DCTN4: variants seen among roughly 807,000 people sequenced by gnomAD.
DCTN4 encodes dynactin subunit 4.
Under a neutral mutation model 62.7 loss-of-function variants are expected in DCTN4, and 23 were observed. The observed-to-expected ratio is 0.37, with a 90% CI of 0.26 to 0.52. The LOEUF (loss-of-function observed/expected upper bound fraction) is 0.52, where lower values mean the gene tolerates loss of function less well. Ranked by LOEUF, DCTN4 falls within the 20% of genes least tolerant of loss-of-function variation. The pLI is 0.92. For missense variants in DCTN4, 514 were observed against 580.4 expected, an observed-to-expected ratio of 0.89 and a Z score of 1.18; for synonymous variants, 199 against 202.1, an observed-to-expected ratio of 0.98 and a Z score of 0.13.
intron 12 of DCTN4, among the ~76,000 whole-genome samples, chr5:150,714,385 C>CT (rs908372762): frequency 3.8e-4 from 56 of 146,130 alleles, no homozygotes; most frequent in East Asian, 1.8e-3. Context: ...CCAAAAATGT[C>CT]TTTTTTTTTT....
At chr5:150,731,820 C>T in intron 5 of DCTN4, 2 of 1,438,926 alleles carry the variant, frequency 1.4e-6, no homozygotes, top group East Asian at 4.9e-5. Flanking sequence ...CAGACGTCTT[C>T]CTGGAACACC....
chr5:150,746,402 A>G (rs1187554471), intron 3 of DCTN4, among the ~76,000 whole-genome samples: 1 of 152,174 alleles, frequency 6.6e-6, no homozygotes, highest in Admixed American at 6.5e-5. Context: ...TATTCCAATC[A>G]ATAGAAAAAG....
chr5:150,756,586 G>T, intron 1 of DCTN4, 99 bp from the exon 2 acceptor site: 1 of 586,626 alleles, frequency 1.7e-6, no homozygotes, highest in Non-Finnish European at 2.8e-6. Context: ...ATGTTATACT[G>T]TAGCAGAAAG....
chr5:150,747,840 G>C (rs1453164577), intron 3 of DCTN4, among the ~76,000 whole-genome samples: 2 of 147,842 alleles, frequency 1.4e-5, no homozygotes, highest in East Asian at 2.0e-4. Flanking sequence ...AAAAACCCTA[G>C]AAGAAAACCT....
chr5:150,728,599 TTATATCTTCTTTGTAAA>T (rs1432756414), intron 8 of DCTN4, among the ~76,000 whole-genome samples: 2 of 152,228 alleles, frequency 1.3e-5, no homozygotes, highest in Non-Finnish European at 1.5e-5. Context: ...CTTTAGACGG[TTATATCTTCTTTGTAAA>T]TTGAATCTTT....
chr5:150,745,438 G>C (rs1325430379), intron 3 of DCTN4, among the ~76,000 whole-genome samples: 2 of 152,030 alleles, frequency 1.3e-5, no homozygotes, highest in African/African-American at 2.4e-5. Flanking sequence ...GCACCAACCA[G>C]ACCTTATAGA....
Position 150,723,465 on chromosome 5 carries a change from T to A in DCTN4, c.835-485A>T, listed in dbSNP as rs115442634. ...AAATTCCAGATCCTATGCTTTAAAG[T>A]ACAGTAACAATGATTACTTTTGAGA... On this transcript the variant is annotated intron_variant, in intron 8 of 12. Coordinates refer to ENST00000447998, the MANE Select transcript of DCTN4 (RefSeq NM_016221.4). 6.9e-3 allele frequency among the ~76,000 whole-genome samples: 1,057 copies of A among 152,284 alleles called. 11 individuals are homozygous for A. Among genetic ancestry groups the A allele is most frequent in the African/African-American group, 0.024 (1,005 of 41,560 alleles).
chr5:150,734,391 A>C (rs1760497768), intron 4 of DCTN4: 1 of 152,238 alleles, frequency 6.6e-6, no homozygotes, highest in East Asian at 1.9e-4. Flanking sequence ...AGAAAAATTT[A>C]ACCTTACCTA....
At chr5:150,746,200 G>T (rs1485392729) in intron 3 of DCTN4, among the ~76,000 whole-genome samples, 2 of 152,074 alleles carry the variant, frequency 1.3e-5, no homozygotes. Flanking sequence ...AGAAGAAATG[G>T]ATAAATTCCT....
chr5:150,752,218 GAACT>G (rs1270727410), intron 3 of DCTN4, among the ~76,000 whole-genome samples: 3 of 152,000 alleles, frequency 2.0e-5, no homozygotes, highest in African/African-American at 7.2e-5. Flanking sequence ...TCAAGATTTT[GAACT>G]GACTGTACAG....
intron 5 of DCTN4, among the ~76,000 whole-genome samples, chr5:150,732,253 G>A (rs963857361): frequency 6.6e-6 from 1 of 152,158 alleles, no homozygotes; most frequent in Non-Finnish European, 1.5e-5. Flanking sequence ...GGGTTCAAGC[G>A]ATTCTCATGC....
intron 8 of DCTN4, among the ~76,000 whole-genome samples, chr5:150,724,044 T>C (rs1373115105): frequency 6.6e-6 from 1 of 152,232 alleles, no homozygotes; most frequent in Non-Finnish European, 1.5e-5. Flanking sequence ...CCTAAGTGTC[T>C]AAGTATCTGT....
At position 150,710,916 on chromosome 5, in the gene DCTN4, G is replaced by C; in HGVS notation, c.*233C>G. ...TATGCTGCTGTTACTCAACGTGCAG[G>C]GTTCAGTGAGGGAGACACAGACTTA... On this transcript the variant is annotated 3_prime_UTR_variant, in exon 13 of 13. Coordinates refer to ENST00000447998, the MANE Select transcript of DCTN4 (RefSeq NM_016221.4). The C allele has an allele frequency of 5.6e-6, 3 of 540,446 alleles. No individual in the cohort carries two copies. Among genetic ancestry groups the C allele is most frequent in the Non-Finnish European group, 1.0e-5 (3 of 301,280 alleles). 33.5% of individuals were successfully genotyped at this position (540,446 alleles called of 1,614,324 possible). A position where few individuals can be genotyped will look rare whatever the true frequency, so the allele number is the denominator to read the frequency against.
In DCTN4 at chr5:150,711,430, TAA is replaced by T; in HGVS notation, c.1170-70_1170-69del. On this transcript the variant is annotated intron_variant, in intron 12 of 12. Coordinates refer to ENST00000447998, the MANE Select transcript of DCTN4 (RefSeq NM_016221.4). ...TCAGCCAAACCACTAAGACTTACAG[TAA>T]AAGTCTTTCACCTTATTCTTTCCTT... The T allele has an allele frequency of 5.6e-6, 7 of 1,251,150 alleles. No individual in the cohort carries two copies. The East Asian group carries it at 1.7e-4, about 30-fold the overall frequency. The allele number at this position is 1,251,150 out of a possible 1,614,324, so 77.5% of individuals were successfully genotyped here.
intron 3 of DCTN4, among the ~76,000 whole-genome samples, 180 bp from the exon 4 acceptor site, chr5:150,742,337 G>A (rs376093538): frequency 6.6e-6 from 1 of 152,234 alleles, no homozygotes; most frequent in East Asian, 1.9e-4. Context: ...TCTAATGATG[G>A]TGATAACAAT....
rs772227360 is a variant in DCTN4, at chr5:150,719,748, T to C, written c.931A>G (p.Ile311Val). The C allele has an allele frequency of 5.0e-6, 8 of 1,610,674 alleles. No homozygotes were observed. The South Asian group carries it at 8.8e-5, about 18-fold the overall frequency. The change falls in exon 10 of 13, where the codon ATC (isoleucine) becomes GTC (valine). Residue 311 changes from isoleucine to valine, a missense_variant. By Grantham distance (29) the Ile-to-Val change is conservative (BLOSUM62 3). Coordinates refer to ENST00000447998, the MANE Select transcript of DCTN4 (RefSeq NM_016221.4). The stretch of plus-strand genomic sequence containing the variant: ...TAGCGAAGGTTGGGAATTGACATGA[T>C]TCTCACTTCTGGAATATAATTGCTG... ...VAVNYIPEVRIMSIPNLRYMK... is the reference protein window; with the variant it reads ...VAVNYIPEVRVMSIPNLRYMK...
At position 150,709,050 on chromosome 5, in the gene DCTN4, T is replaced by G. The variant is rs1759471087; in HGVS notation, c.*2099A>C. 6.5e-6 allele frequency: 1 copy of G among 152,766 alleles called. No individual in the cohort carries two copies. The highest frequency in any genetic ancestry group is 6.5e-5 in the Admixed American group (1 of 15,284). 9.5% of individuals were successfully genotyped at this position (152,766 alleles called of 1,614,324 possible). A position where few individuals can be genotyped will look rare whatever the true frequency, so the allele number is the denominator to read the frequency against. ...GGTGCATACTGACTAGCATTAAAAT[T>G]TTTGCACCTCATCTAATATAAAAAA... is the stretch of plus-strand genomic sequence containing the variant. On this transcript the variant is annotated 3_prime_UTR_variant, in exon 13 of 13. Coordinates refer to ENST00000447998, the MANE Select transcript of DCTN4 (RefSeq NM_016221.4).
At chr5:150,722,721 CTATT>C (rs1759997328) in intron 9 of DCTN4, among the ~76,000 whole-genome samples, 182 bp downstream of exon 9, 1 of 152,116 alleles carries the variant, frequency 6.6e-6, no homozygotes, top group Non-Finnish European at 1.5e-5. Context: ...ACCCCTGAAT[CTATT>C]TATCTTAAAC....
intron 4 of DCTN4, among the ~76,000 whole-genome samples, chr5:150,741,517 A>G (rs925988707): frequency 1.3e-5 from 2 of 150,464 alleles, no homozygotes; most frequent in Admixed American, 6.6e-5. Flanking sequence ...GCCTTGCTCT[A>G]TTGCCTAGGA....
Sources: gnomAD v4.1 joint callset for allele counts (sites outside exome capture counted in the v4.1 genomes callset) on GRCh38, gnomAD v4.1.1 for gene constraint, MANE v1.5 for transcripts, NCBI Gene and HGNC (gene_info 2026-07-23, HGNC 2026-07-21) for gene names.